CADPS: variants seen among roughly 807,000 people sequenced by gnomAD.
The protein encoded by CADPS is calcium-dependent secretion activator 1.
CADPS carries 57 observed loss-of-function variants against 167.3 expected under a neutral mutation model. The observed-to-expected ratio is 0.34, with a 90% confidence interval of 0.28 to 0.42. The LOEUF is 0.42. CADPS is among the 20% of genes least tolerant of loss of function. The pLI, the probability that CADPS is intolerant of heterozygous loss-of-function variation, is 1.00. For synonymous variants in CADPS, 676 were observed against 635.3 expected (o/e 1.06, Z -0.96); for missense variants, 1,414 against 1,738.1 (o/e 0.81, Z 3.32).
chr3:62,626,402 TA>T (rs1251658032), intron 6 of CADPS: 60 of 649,490 alleles, frequency 9.2e-5, no homozygotes, highest in Middle Eastern at 2.4e-4. Flanking sequence ...AGGATGAGTG[TA>T]AACCAGGGAA....
At chr3:62,771,751 G>T (rs1324683297) in intron 1 of CADPS, among the ~76,000 whole-genome samples, 1 of 152,158 alleles carries the variant, frequency 6.6e-6, no homozygotes, top group Non-Finnish European at 1.5e-5. Context: ...CTGCAGCAGC[G>T]TTTGCTAGAA....
intron 11 of CADPS, among the ~76,000 whole-genome samples, chr3:62,539,619 G>A (rs908346658): frequency 2.8e-4 from 42 of 151,926 alleles, no homozygotes; most frequent in African/African-American, 9.4e-4. Flanking sequence ...CAGGGGTTTC[G>A]GTATTTTTTG....
chr3:62,746,927 CTGCT>C (rs2081589391), intron 3 of CADPS, among the ~76,000 whole-genome samples: 1 of 152,126 alleles, frequency 6.6e-6, no homozygotes, highest in Non-Finnish European at 1.5e-5. Context: ...TTCTTTTAAG[CTGCT>C]AAATTTGTGG....
chr3:62,709,191 C>T (rs1024477621), intron 3 of CADPS, among the ~76,000 whole-genome samples: 2 of 152,066 alleles, frequency 1.3e-5, no homozygotes, highest in African/African-American at 4.8e-5. Flanking sequence ...TCCCTCTTCT[C>T]TTCCCCTAAC....
intron 27 of CADPS, among the ~76,000 whole-genome samples, chr3:62,443,320 G>C (rs1162111981): frequency 6.6e-6 from 1 of 152,206 alleles, no homozygotes; most frequent in Admixed American, 6.5e-5. Flanking sequence ...ACGCTTGGTT[G>C]TAGTAGCAGT....
intron 28 of CADPS, among the ~76,000 whole-genome samples, chr3:62,437,127 G>C (rs1576025181): frequency 6.6e-6 from 1 of 151,912 alleles, no homozygotes; most frequent in South Asian, 2.1e-4. Context: ...TAAAAATATG[G>C]AAACCTGGAC....
intron 3 of CADPS, among the ~76,000 whole-genome samples, chr3:62,663,078 G>C (rs998093697): frequency 2.6e-5 from 4 of 152,204 alleles, no homozygotes; most frequent in Non-Finnish European, 5.9e-5. Flanking sequence ...GGTCAGTTAT[G>C]TAGTCTTCAT....
intron 10 of CADPS, among the ~76,000 whole-genome samples, chr3:62,554,931 T>G (rs2077874999): frequency 6.6e-6 from 1 of 152,076 alleles, no homozygotes; most frequent in Non-Finnish European, 1.5e-5. Context: ...TTTTGTATTT[T>G]TAGTAGAGAT....
intron 21 of CADPS, among the ~76,000 whole-genome samples, chr3:62,486,647 A>G (rs554281861): frequency 6.6e-6 from 1 of 152,204 alleles, no homozygotes; most frequent in Non-Finnish European, 1.5e-5. Flanking sequence ...AGAGAGCCCC[A>G]AAGTAGGGCT....
intron 1 of CADPS, among the ~76,000 whole-genome samples, chr3:62,783,621 A>G (rs2092037234): frequency 6.6e-6 from 1 of 152,196 alleles, no homozygotes. Flanking sequence ...CACAATTATA[A>G]AGTTAGGGGA....
chr3:62,570,269 A>C (rs2152448568), intron 9 of CADPS, among the ~76,000 whole-genome samples: 1 of 152,252 alleles, frequency 6.6e-6, no homozygotes, highest in East Asian at 1.9e-4. Flanking sequence ...TAATAGAAAA[A>C]TTTATCCTAG....
chr3:62,837,043 G>A (rs961786275), intron 1 of CADPS, among the ~76,000 whole-genome samples: 1 of 152,058 alleles, frequency 6.6e-6, no homozygotes, highest in Non-Finnish European at 1.5e-5. Flanking sequence ...CCTTTTCTTA[G>A]TAACTGAAAG....
At chr3:62,502,773 C>T (rs2065978776) in intron 17 of CADPS, among the ~76,000 whole-genome samples, 1 of 151,942 alleles carries the variant, frequency 6.6e-6, no homozygotes, top group African/African-American at 2.4e-5. Flanking sequence ...TGCCTTTGAG[C>T]CTCTGATATA....
chr3:62,541,531 C>T (rs188816419), intron 11 of CADPS, among the ~76,000 whole-genome samples: 2 of 152,254 alleles, frequency 1.3e-5, no homozygotes, highest in African/African-American at 2.4e-5. Flanking sequence ...TACAGACTTA[C>T]GGAGAGCAGG....
At chr3:62,431,091 A>T (rs1366305953) in intron 28 of CADPS, among the ~76,000 whole-genome samples, 1 of 152,074 alleles carries the variant, frequency 6.6e-6, no homozygotes, top group East Asian at 1.9e-4. Context: ...ATTTGATCTA[A>T]AGAGTATGGA....
chr3:62,732,193 G>A (rs2078038465), intron 3 of CADPS, among the ~76,000 whole-genome samples: 1 of 152,156 alleles, frequency 6.6e-6, no homozygotes, highest in South Asian at 2.1e-4. Flanking sequence ...TCTGGACCTA[G>A]TGACTTGCTC....
chr3:62,574,465 A>G (rs1430048462), intron 8 of CADPS, among the ~76,000 whole-genome samples: 1 of 152,206 alleles, frequency 6.6e-6, no homozygotes, highest in Admixed American at 6.5e-5. Flanking sequence ...AAGCTGAGCC[A>G]GGGAGCATCG....
At chr3:62,543,235 A>G (rs533414977) in intron 11 of CADPS, among the ~76,000 whole-genome samples, 8 of 152,326 alleles carry the variant, frequency 5.3e-5, no homozygotes, top group Non-Finnish European at 1.2e-4. Context: ...ATATTGAATT[A>G]ATTATTTGAT....
rs562550180 is a variant in CADPS at position 62,422,094 on chromosome 3, A to G, written c.3777+16010T>C. On this transcript the variant is annotated intron_variant, in intron 28 of 29. Coordinates refer to ENST00000383710, the MANE Select transcript of CADPS (RefSeq NM_003716.4). ...CCAAATTTATTTCTAATGTGCACCA[A>G]CAAATGCAAGCAGGCCTCCATTTCT... Among the ~76,000 whole-genome samples the G allele has an allele frequency of 5.9e-5, 9 of 152,206 alleles. No individual in the cohort carries two copies. In the South Asian group the frequency reaches 1.7e-3, roughly 28 times the overall value.
Sources: gnomAD v4.1 joint callset for allele counts (sites outside exome capture counted in the v4.1 genomes callset) on GRCh38, gnomAD v4.1.1 for gene constraint, MANE v1.5 for transcripts, NCBI Gene and HGNC (gene_info 2026-07-23, HGNC 2026-07-21) for gene names.